The following DCDC1 variants were observed in gnomAD, a reference collection of about 807,000 sequenced individuals.
The protein encoded by DCDC1 is doublecortin domain containing 1, also known as doublecortin domain-containing protein 1.
DCDC1 carries 200 observed loss-of-function variants against 178.3 expected under a neutral mutation model. The observed-to-expected ratio is 1.12, with a 90% CI of 1.00 to 1.26. The LOEUF (loss-of-function observed/expected upper bound fraction) is 1.26, where lower values mean the gene tolerates loss of function less well. DCDC1 is among the 50% of genes most tolerant of loss of function. The pLI, the probability that DCDC1 is intolerant of heterozygous loss-of-function variation, is 0.00. For missense variants in DCDC1, 1,983 were observed against 1,749.2 expected (o/e 1.13, Z -2.38); for synonymous variants, 690 against 604.8 (o/e 1.14, Z -2.07).
At chr11:30,971,891 G>A (rs1428809298) in intron 20 of DCDC1, among the ~76,000 whole-genome samples, 1 of 152,108 alleles carries the variant, frequency 6.6e-6, no homozygotes, top group Non-Finnish European at 1.5e-5. Context: ...TTACAGGCAT[G>A]AGCCACTGCA....
chr11:31,127,518 A>G lies in DCDC1; in HGVS notation c.1436T>C (p.Ile479Thr). Residue 479 changes from isoleucine to threonine, a missense_variant, in exon 11 of 39, where the codon ATT becomes ACT. Coordinates refer to ENST00000684477, the MANE Select transcript of DCDC1 (RefSeq NM_001387274.1). ...AAGCGTGTTTGCTGGAAGGCTTTTA[A>G]TGTGTTGGTAGACATAAGAGGAGAA... ...EQFSSYVYQHIKSLPANTLVP... is the reference protein window; with the variant it reads ...EQFSSYVYQHTKSLPANTLVP... 1.4e-6 allele frequency: 1 copy of G among 702,656 alleles called. No individual in the cohort carries two copies. The highest frequency in any genetic ancestry group is 2.6e-6 in the Non-Finnish European group (1 of 384,770). 43.5% of individuals were successfully genotyped at this position (702,656 alleles called of 1,614,324 possible).
Position 31,364,025 on chromosome 11 carries a change from G to A in DCDC1, c.-125+5672C>T, listed in dbSNP as rs548608559. 9.2e-5 allele frequency among the ~76,000 whole-genome samples: 14 copies of A among 152,246 alleles called. No homozygotes were observed. In the East Asian group the frequency reaches 2.7e-3, roughly 29 times the overall value. On this transcript the variant is annotated intron_variant, in intron 1 of 38. Transcript: ENST00000684477. ...TGCTGGGCAGTGGCAGGGAGCAGCAGCTGCCAGTGAACCATGCACTCTCTG... is the reference window on the plus strand; with the variant it reads ...TGCTGGGCAGTGGCAGGGAGCAGCAACTGCCAGTGAACCATGCACTCTCTG...
Position 31,102,277 on chromosome 11 carries a change from TC to T in DCDC1, c.1882del (p.Glu628LysfsTer35). 1.4e-6 allele frequency: 1 copy of T among 699,324 alleles called. No homozygotes were observed. Among genetic ancestry groups the T allele is most frequent in the Non-Finnish European group, 2.7e-6 (1 of 376,530 alleles). The allele number at this position is 699,324 out of a possible 1,614,324, so 43.3% of individuals were successfully genotyped here. On this transcript the variant is annotated frameshift_variant, in exon 15 of 39. Transcript: ENST00000684477. LOFTEE classifies it high-confidence loss of function. The part of the protein sequence containing the change: ...AVLLPGCGNW[E>X]VCEGFPINFN... ...ATTAATTGGAAATCCCTCACAAACT[TC>T]CCAACTAAGAAAAGTAAAATACGTA...
chr11:31,024,885 G>A (rs907425177), intron 20 of DCDC1, among the ~76,000 whole-genome samples: 8 of 151,546 alleles, frequency 5.3e-5, no homozygotes, highest in Non-Finnish European at 1.2e-4. Flanking sequence ...CCATGGTCGC[G>A]GCCTTGTTTC....
chr11:31,274,189 C>T (rs1945802554), intron 7 of DCDC1, among the ~76,000 whole-genome samples: 1 of 152,190 alleles, frequency 6.6e-6, no homozygotes, highest in African/African-American at 2.4e-5. Context: ...AAGATAAGTT[C>T]TAGCCTTCTT....
intron 20 of DCDC1, among the ~76,000 whole-genome samples, chr11:31,020,596 AT>A (rs1202922012): frequency 6.6e-6 from 1 of 152,074 alleles, no homozygotes; most frequent in Admixed American, 6.6e-5. Flanking sequence ...TTATTTTATA[AT>A]TTTTTAAAAT....
chr11:30,878,411 G>T, intron 38 of DCDC1, 133 bp downstream of exon 38: 1 of 797,042 alleles, frequency 1.3e-6, no homozygotes, highest in Non-Finnish European at 1.8e-6. Flanking sequence ...CTGTGATTGT[G>T]CCACTACACT....
intron 20 of DCDC1, among the ~76,000 whole-genome samples, chr11:30,970,000 T>A (rs1949690016): frequency 6.6e-6 from 1 of 152,130 alleles, no homozygotes; most frequent in Admixed American, 6.5e-5. Flanking sequence ...GACAGAACAC[T>A]GGAATTCAAC....
chr11:31,231,970 A>G (rs184175715), intron 9 of DCDC1, among the ~76,000 whole-genome samples: 134 of 152,328 alleles, frequency 8.8e-4, no homozygotes, highest in African/African-American at 3.1e-3. Flanking sequence ...TCCAAACTCA[A>G]TGACTTGCTT....
At chr11:31,351,378 A>C (rs1951064390) in intron 1 of DCDC1, among the ~76,000 whole-genome samples, 1 of 152,142 alleles carries the variant, frequency 6.6e-6, no homozygotes, top group Non-Finnish European at 1.5e-5. Flanking sequence ...AACAAATAGA[A>C]GCATAAAAAT....
At chr11:31,000,563 C>T (rs895188334) in intron 20 of DCDC1, among the ~76,000 whole-genome samples, 10 of 152,074 alleles carry the variant, frequency 6.6e-5, no homozygotes, top group Non-Finnish European at 1.3e-4. Context: ...TTATGGATTG[C>T]AAGTCTCTAA....
intron 17 of DCDC1, 125 bp from the exon 18 acceptor site, chr11:31,078,050 C>CTG: frequency 3.1e-6 from 2 of 648,688 alleles, no homozygotes; most frequent in South Asian, 3.5e-5. Context: ...ACCAAAGATT[C>CTG]TGCCACCATC....
intron 20 of DCDC1, among the ~76,000 whole-genome samples, chr11:31,011,528 G>A (rs1952165700): frequency 1.3e-5 from 2 of 152,186 alleles, no homozygotes; most frequent in Admixed American, 1.3e-4. Flanking sequence ...TTCACCAGTA[G>A]TCAGAGAAGG....
At chr11:31,265,724 T>C (rs1373337296) in intron 7 of DCDC1, 124 bp from the exon 8 acceptor site, 1 of 384,428 alleles carries the variant, frequency 2.6e-6, no homozygotes, top group East Asian at 4.8e-5. Context: ...TAATGATTTA[T>C]AAAATGTTCT....
At chr11:31,250,418 ATACATATATATG>A (rs1400040474) in intron 8 of DCDC1, among the ~76,000 whole-genome samples, 9 of 94,168 alleles carry the variant, frequency 9.6e-5, no homozygotes, top group Admixed American at 4.3e-4. Context: ...ACACACACAT[ATACATATATATG>A]TATATATATA....
At chr11:31,278,599 A>G (rs1440878567) in intron 7 of DCDC1, among the ~76,000 whole-genome samples, 2 of 152,146 alleles carry the variant, frequency 1.3e-5, no homozygotes, top group African/African-American at 4.8e-5. Context: ...ATGATTGTAT[A>G]TCATGGTGAC....
At chr11:31,042,664 G>A (rs1287992015) in intron 20 of DCDC1, among the ~76,000 whole-genome samples, 1 of 152,084 alleles carries the variant, frequency 6.6e-6, no homozygotes, top group African/African-American at 2.4e-5. Context: ...ACAACCCATA[G>A]ATATCAAACA....
intron 9 of DCDC1, among the ~76,000 whole-genome samples, chr11:31,180,820 T>C (rs545562241): frequency 3.3e-5 from 5 of 151,896 alleles, no homozygotes; most frequent in African/African-American, 9.7e-5. Context: ...TTTTGTTGTT[T>C]TTTTTTTCAT....
At chr11:30,995,930 T>C (rs193079479) in intron 20 of DCDC1, among the ~76,000 whole-genome samples, 64 of 152,160 alleles carry the variant, frequency 4.2e-4, no homozygotes, top group African/African-American at 1.4e-3. Context: ...TTAGACGTTA[T>C]CAAAATTAAA....
Sources: allele counts gnomAD v4.1 joint callset (sites outside exome capture counted in the v4.1 genomes callset), GRCh38; gene constraint gnomAD v4.1.1; transcripts MANE v1.5; gene names NCBI Gene and HGNC (gene_info 2026-07-23, HGNC 2026-07-21).